The following TFRC variants were observed in gnomAD, a reference collection of about 807,000 sequenced individuals.
TFRC encodes the protein transferrin receptor, also known as transferrin receptor protein 1.
TFRC carries 35 observed loss-of-function variants against 85.8 expected under a neutral mutation model. The ratio of observed to expected loss-of-function variants is 0.41; its 90% CI spans 0.31 to 0.54. TFRC has a LOEUF of 0.54. Ranked by LOEUF, TFRC falls within the 20% of genes least tolerant of loss-of-function variation. TFRC has a pLI of 0.31. For missense variants in TFRC, 828 were observed against 921.5 expected (o/e 0.90, Z 1.31); for synonymous variants, 362 against 328.6 (o/e 1.10, Z -1.10).
chr3:196,060,553 C>T (rs1400202764), intron 13 of TFRC: 2 of 257,450 alleles, frequency 7.8e-6, no homozygotes, highest in East Asian at 1.0e-4. Flanking sequence ...AATCCCAGGA[C>T]TTTGGGAGGC....
chr3:196,054,038 A>G (rs1716565443), intron 17 of TFRC, among the ~76,000 whole-genome samples: 1 of 152,054 alleles, frequency 6.6e-6, no homozygotes, highest in East Asian at 1.9e-4. Flanking sequence ...GGAGTTCAAG[A>G]CCAGCCTGGC....
Position 196,072,029 on chromosome 3 carries a change from A to T in TFRC, c.558T>A (p.His186Gln). 6.2e-7 allele frequency: 1 copy of T among 1,613,496 alleles called. No homozygotes were observed. The highest frequency in any genetic ancestry group is 1.3e-5 in the African/African-American group (1 of 75,038). Residue 186 changes from histidine to glutamine, a missense_variant, in exon 5 of 19, where the codon CAT becomes CAA. By Grantham distance (24) the His-to-Gln change is conservative. Transcript: ENST00000360110. ...TGTCTTTGACCTGAATCTTAACAAA[A>T]TGTTGATCACGCCAGACTTTGCTGA... is the stretch of plus-strand genomic sequence containing the variant. The part of the protein sequence containing the change: ...FKLSKVWRDQ[H>Q]FVKIQVKDSA...
intron 6 of TFRC, among the ~76,000 whole-genome samples, chr3:196,070,804 T>TAATAATAATAAC (rs1304507630): frequency 7.1e-6 from 1 of 141,580 alleles, no homozygotes; most frequent in Non-Finnish European, 1.5e-5. Context: ...ATAATAATAA[T>TAATAATAATAAC]AATAAAATAA....
At chr3:196,072,987 G>A (rs1314514260) in intron 4 of TFRC, 2 of 146,780 alleles carry the variant, frequency 1.4e-5, no homozygotes, top group African/African-American at 5.0e-5. Context: ...ATCATCTGAG[G>A]TCAGGAGTTA....
chr3:196,074,811 G>A (rs1294907917), intron 3 of TFRC, among the ~76,000 whole-genome samples: 5 of 150,124 alleles, frequency 3.3e-5, no homozygotes, highest in Admixed American at 6.6e-5. Flanking sequence ...CCTGGGAGGC[G>A]GAGATTGCAG....
At chr3:196,074,501 T>C (rs865861183) in intron 3 of TFRC, 5 of 164,300 alleles carry the variant, frequency 3.0e-5, no homozygotes, top group Admixed American at 6.2e-5. Flanking sequence ...CGTATTGAAA[T>C]AATTCATGGG....
At chr3:196,077,205 A>T in intron 1 of TFRC, 83 bp from the exon 2 acceptor site, 1 of 954,082 alleles carries the variant, frequency 1.0e-6, no homozygotes, top group South Asian at 1.6e-5. Flanking sequence ...TAAATGATAC[A>T]TTAAATTTTT....
At chr3:196,058,462 T>C in intron 15 of TFRC, 97 bp from the exon 16 acceptor site, 2 of 1,471,442 alleles carry the variant, frequency 1.4e-6, no homozygotes, top group Non-Finnish European at 1.9e-6. Flanking sequence ...TTTAGCTGAA[T>C]ATCTTTAGGT....
intron 4 of TFRC, chr3:196,072,905 A>G (rs1473495768): frequency 6.6e-6 from 1 of 151,872 alleles, no homozygotes; most frequent in Non-Finnish European, 1.5e-5. Context: ...ATAAATAAAT[A>G]TAAAATAGAA....
At chr3:196,075,628 A>T (rs1301429168) in intron 2 of TFRC, among the ~76,000 whole-genome samples, 1 of 150,942 alleles carries the variant, frequency 6.6e-6, no homozygotes, top group Non-Finnish European at 1.5e-5. Context: ...CAGTGGTGTG[A>T]TCACAGCTCA....
At chr3:196,060,142 A>C in intron 14 of TFRC, 38 bp downstream of exon 14, 2 of 1,550,358 alleles carry the variant, frequency 1.3e-6, no homozygotes, top group Non-Finnish European at 1.8e-6. Context: ...TTCAACAAAA[A>C]TTAAGTCATA....
intron 13 of TFRC, among the ~76,000 whole-genome samples, chr3:196,061,510 G>T (rs1047752627): frequency 6.6e-6 from 1 of 151,842 alleles, no homozygotes; most frequent in Non-Finnish European, 1.5e-5. Flanking sequence ...GTTTTTTTGA[G>T]ATGGAGTCTC....
At position 196,067,547 on chromosome 3, in the gene TFRC, G is replaced by C. The variant is rs1274691623; in HGVS notation, c.1011C>G (p.Ile337Met). The change falls in exon 9 of 19, where the codon ATC (isoleucine) becomes ATG (methionine). Residue 337 changes from isoleucine to methionine, a missense_variant. By Grantham distance (10) the Ile-to-Met change is conservative. Coordinates refer to ENST00000360110, the MANE Select transcript of TFRC (RefSeq NM_001128148.3). ...ACAGCTTTTCTGCAGCAGCTCTGGA[G>C]ATTGTCTGGACAGGTATATTAGGCA... ...SGLPNIPVQTISRAAAEKLFG... is the reference protein window; with the variant it reads ...SGLPNIPVQTMSRAAAEKLFG... The C allele has an allele frequency of 1.2e-6, 2 of 1,613,858 alleles. No individual in the cohort carries two copies. The highest frequency in any genetic ancestry group is 1.7e-6 in the Non-Finnish European group (2 of 1,179,930).
chr3:196,064,811 AAG>A (rs1436793625), intron 10 of TFRC, among the ~76,000 whole-genome samples: 21 of 152,356 alleles, frequency 1.4e-4, no homozygotes, highest in African/African-American at 5.1e-4. Flanking sequence ...GAACAGCTAA[AAG>A]AGAGACTGTA....
intron 3 of TFRC, 101 bp downstream of exon 3, chr3:196,075,058 A>AAT: frequency 1.5e-6 from 1 of 688,888 alleles, no homozygotes; most frequent in Non-Finnish European, 2.3e-6. Context: ...AAAAAAAAAA[A>AAT]AAAAAAAATA....
rs774590329 is a variant in TFRC at position 196,069,582 on chromosome 3, AT to A, written c.688-15del. ...GACCAGTTTACCCTAGAACAAAGAC[AT>A]TAGATTTAATGAGCATTATGGTATC... On this transcript the variant is annotated splice_polypyrimidine_tract_variant and intron_variant, in intron 6 of 18. Transcript: ENST00000360110. The A allele has an allele frequency of 7.0e-7, 1 of 1,438,390 alleles. No individual in the cohort carries two copies. The highest frequency in any genetic ancestry group is 9.8e-7 in the Non-Finnish European group (1 of 1,022,390). The allele number at this position is 1,438,390 out of a possible 1,614,324, so 89.1% of individuals were successfully genotyped here.
intron 11 of TFRC, 139 bp from the exon 12 acceptor site, chr3:196,063,078 G>GA (rs41297453): frequency 0.025 from 11,158 of 447,488 alleles, no homozygotes; most frequent in South Asian, 0.043. Context: ...AGCCAAAAAA[G>GA]AAAAAAAAAA....
chr3:196,062,841 T>A lies in TFRC; in HGVS notation c.1404+13A>T. On this transcript the variant is annotated intron_variant, in intron 12 of 18. Transcript: ENST00000360110. ...AGCTCGTGTCCAATATGGGAAGGGA[T>A]GATAAAGAATACCTCTAGCCATTCA... The A allele has an allele frequency of 6.2e-7, 1 of 1,613,346 alleles. No individual in the cohort carries two copies. Among genetic ancestry groups the A allele is most frequent in the Non-Finnish European group, 8.5e-7 (1 of 1,179,308 alleles).
chr3:196,065,680 T>C (rs995849977), intron 9 of TFRC, 80 bp from the exon 10 acceptor site: 9 of 1,439,242 alleles, frequency 6.3e-6, no homozygotes, highest in Non-Finnish European at 8.3e-6. Flanking sequence ...AGTTACAGAT[T>C]AAGAGGACAT....
Sources: allele counts gnomAD v4.1 joint callset (sites outside exome capture counted in the v4.1 genomes callset), GRCh38; gene constraint gnomAD v4.1.1; transcripts MANE v1.5; gene names NCBI Gene and HGNC (gene_info 2026-07-23, HGNC 2026-07-21).